CMAS: variants seen among roughly 807,000 people sequenced by gnomAD.
CMAS encodes the protein cytidine monophosphate N-acetylneuraminic acid synthetase.
CMAS carries 21 observed loss-of-function variants against 53.4 expected under a neutral mutation model. The ratio of observed to expected loss-of-function variants is 0.39; its 90% CI spans 0.28 to 0.57. The LOEUF is 0.57. Among genes scored for constraint, CMAS ranks in the 20% least tolerant of loss-of-function variants. CMAS has a pLI of 0.56. For missense variants in CMAS, 384 were observed against 534.9 expected (o/e 0.72, Z 2.78); for synonymous variants, 189 against 195.2 (o/e 0.97, Z 0.27).
intron 1 of CMAS, among the ~76,000 whole-genome samples, chr12:22,053,877 T>TCAAAA (rs373414196): frequency 0.015 from 2,216 of 148,000 alleles, 67 homozygotes; most frequent in African/African-American, 0.051. Flanking sequence ...AGACTCCGTC[T>TCAAAA]CAAAACAAAA....
chr12:22,060,768 T>TAA, intron 4 of CMAS, 64 bp from the exon 5 acceptor site: 1 of 906,468 alleles, frequency 1.1e-6, no homozygotes. Context: ...TGTATTATAA[T>TAA]AAAGTTTTGA....
intron 7 of CMAS, among the ~76,000 whole-genome samples, 194 bp from the exon 8 acceptor site, chr12:22,064,927 G>A (rs536878856): frequency 1.4e-3 from 207 of 152,128 alleles, no homozygotes; most frequent in African/African-American, 4.6e-3. Flanking sequence ...ATTTTTGATT[G>A]CTTAGGGAAA....
intron 1 of CMAS, among the ~76,000 whole-genome samples, chr12:22,049,895 ACT>A (rs567431800): frequency 2.9e-4 from 39 of 135,790 alleles, no homozygotes; most frequent in African/African-American, 1.0e-3. Flanking sequence ...ACAGAGCAAG[ACT>A]CTGTCTCAAA....
chr12:22,047,208 C>A (rs555683484), intron 1 of CMAS, among the ~76,000 whole-genome samples: 1 of 152,142 alleles, frequency 6.6e-6, no homozygotes, highest in African/African-American at 2.4e-5. Context: ...TTAATACTTA[C>A]AAATCATTTA....
At chr12:22,062,209 G>GAA in intron 6 of CMAS, 72 bp from the exon 7 acceptor site, 1 of 1,386,076 alleles carries the variant, frequency 7.2e-7, no homozygotes, top group South Asian at 1.4e-5. Flanking sequence ...CAATTATTAT[G>GAA]AAAGATTTCT....
chr12:22,046,409 G>T lies in CMAS; in HGVS notation c.106G>T (p.Gly36Cys). 2 of 1,596,744 alleles carry T rather than the reference G, an allele frequency of 1.3e-6. No individual in the cohort carries two copies. Among genetic ancestry groups the T allele is most frequent in the Non-Finnish European group, 1.7e-6 (2 of 1,173,130 alleles). The change falls in exon 1 of 8, where the codon GGC becomes TGC. Residue 36 changes from glycine to cysteine, a missense_variant. Transcript: ENST00000229329. ...GCAGCGCAACTCTCGCGGCGGCCAG[G>T]GCCGAGGTGTGGAGAAGCCCCCGCA... ...KLQRNSRGGQ[G>C]RGVEKPPHLA...
chr12:22,056,050 T>C (rs1263173943), intron 3 of CMAS, among the ~76,000 whole-genome samples: 2 of 152,146 alleles, frequency 1.3e-5, no homozygotes, highest in East Asian at 1.9e-4. Flanking sequence ...TTCCCTAGGG[T>C]TTACTAGGCA....
At position 22,062,295 on chromosome 12, in the gene CMAS, A is replaced by C; in HGVS notation, c.975A>C (p.Ser325=). The change falls in exon 7 of 8, where the codon TCA becomes TCC. Residue 325 remains serine, a synonymous_variant. Coordinates refer to ENST00000229329, the MANE Select transcript of CMAS (RefSeq NM_018686.6). ...KKSGIEVRLI[S]ERACSKQTLS... is the part of the protein sequence containing the mutation. ...TTTTTTTTAAGGTGAGGCTAATCTCAGAAAGGGCCTGTTCAAAGCAGACGC... is the reference window on the plus strand; with the variant it reads ...TTTTTTTTAAGGTGAGGCTAATCTCCGAAAGGGCCTGTTCAAAGCAGACGC... 6.3e-7 allele frequency: 1 copy of C among 1,586,030 alleles called. No individual in the cohort carries two copies. The highest frequency in any genetic ancestry group is 8.5e-7 in the Non-Finnish European group (1 of 1,170,850).
chr12:22,050,078 A>ACTT (rs1240120499), intron 1 of CMAS, among the ~76,000 whole-genome samples: 1 of 152,240 alleles, frequency 6.6e-6, no homozygotes, highest in Non-Finnish European at 1.5e-5. Flanking sequence ...AGGGACCAGC[A>ACTT]CTTCTTCCTC....
At chr12:22,047,396 T>G (rs921044887) in intron 1 of CMAS, among the ~76,000 whole-genome samples, 2 of 152,148 alleles carry the variant, frequency 1.3e-5, no homozygotes, top group African/African-American at 2.4e-5. Context: ...TTTGAATGTG[T>G]TGTTATTGTG....
chr12:22,062,040 T>C (rs1950311393), intron 6 of CMAS, among the ~76,000 whole-genome samples: 1 of 152,162 alleles, frequency 6.6e-6, no homozygotes, highest in African/African-American at 2.4e-5. Flanking sequence ...CTTTCTATTG[T>C]AGAAAATAAA....
In CMAS at chr12:22,058,569, C is replaced by T. The variant is rs1365015886; in HGVS notation, c.562C>T (p.Arg188Cys). 5 of 1,611,082 alleles carry T rather than the reference C, an allele frequency of 3.1e-6. No homozygotes were observed. The highest frequency in any genetic ancestry group is 4.2e-6 in the Non-Finnish European group (5 of 1,178,854). Residue 188 changes from arginine (R) to cysteine (C), a missense_variant and splice_region_variant, in exon 4 of 8, where the codon CGT becomes TGT. Arg to Cys is a radical substitution (Grantham distance 180). Transcript: ENST00000229329. ...TTACTCTAACTTTTTGCTTTTAGTT[C>T]GTGAAGTGACCGAACCTCTGAATTT... ...FRWSEIQKGV[R>C]EVTEPLNLNP...
Position 22,046,472 on chromosome 12 carries a change from G to A in CMAS, c.169G>A (p.Gly57Ser). The A allele has an allele frequency of 6.2e-7, 1 of 1,610,454 alleles. No individual in the cohort carries two copies. The highest frequency in any genetic ancestry group is 1.1e-5 in the South Asian group (1 of 90,108). Residue 57 changes from glycine (G) to serine (S), a missense_variant, in exon 1 of 8, where the codon GGC becomes AGC. This residue lies in a region of CMAS where 111 missense variants were observed against 132.2 expected (regional missense o/e 0.84). Coordinates refer to ENST00000229329, the MANE Select transcript of CMAS (RefSeq NM_018686.6). ...AATTCTGGCCCGGGGAGGCAGCAAA[G>A]GCATCCCCCTGAAGAACATTAAGCA... is the stretch of plus-strand genomic sequence containing the variant. The part of the protein sequence containing the change: ...ALILARGGSK[G>S]IPLKNIKHLA...
chr12:22,057,851 T>A (rs1950278087), intron 3 of CMAS, among the ~76,000 whole-genome samples: 1 of 149,556 alleles, frequency 6.7e-6, no homozygotes, highest in Non-Finnish European at 1.5e-5. Context: ...TGAGACAGAG[T>A]CTCACTCTGT....
At chr12:22,052,471 T>C (rs1355867084) in intron 1 of CMAS, among the ~76,000 whole-genome samples, 2 of 152,210 alleles carry the variant, frequency 1.3e-5, no homozygotes, top group African/African-American at 4.8e-5. Context: ...AACCCTCTGG[T>C]ATTGAATTTT....
intron 1 of CMAS, among the ~76,000 whole-genome samples, chr12:22,053,510 AATAT>A (rs35771301): frequency 2.7e-5 from 4 of 146,964 alleles, no homozygotes; most frequent in Non-Finnish European, 6.0e-5. Context: ...ATACACACCA[AATAT>A]ATATATATAT....
intron 7 of CMAS, among the ~76,000 whole-genome samples, chr12:22,064,775 G>C (rs1024340826): frequency 9.9e-5 from 15 of 151,986 alleles, no homozygotes; most frequent in Admixed American, 9.8e-4. Context: ...TAAAATTGGG[G>C]TTCTCGCATA....
chr12:22,059,909 G>A (rs951818074), intron 4 of CMAS, among the ~76,000 whole-genome samples: 2 of 152,002 alleles, frequency 1.3e-5, no homozygotes, highest in Non-Finnish European at 2.9e-5. Context: ...ATTACTATCA[G>A]AAGAAAGACC....
chr12:22,061,876 A>C (rs1369588477), intron 6 of CMAS, among the ~76,000 whole-genome samples: 4 of 152,198 alleles, frequency 2.6e-5, no homozygotes, highest in Non-Finnish European at 5.9e-5. Flanking sequence ...AAAGCTAGCT[A>C]AGATAATTAT....
Sources: gnomAD v4.1 joint callset for allele counts (sites outside exome capture counted in the v4.1 genomes callset) on GRCh38, gnomAD v4.1.1 for gene constraint, gnomAD v4.1.1 regional missense constraint, MANE v1.5 for transcripts, NCBI Gene and HGNC (gene_info 2026-07-23, HGNC 2026-07-21) for gene names.